The following BAZ2A variants were observed in gnomAD, a reference collection of about 807,000 sequenced individuals.
The protein encoded by BAZ2A is bromodomain adjacent to zinc finger domain 2A.
BAZ2A carries 34 observed loss-of-function variants against 199.9 expected under a neutral mutation model. That is an observed-to-expected ratio of 0.17 (90% CI 0.13 to 0.23). BAZ2A has a LOEUF of 0.23. Ranked by LOEUF, BAZ2A falls within the 10% of genes least tolerant of loss-of-function variation. BAZ2A has a pLI of 1.00. For synonymous variants in BAZ2A, 857 were observed against 883.9 expected (o/e 0.97, Z 0.54); for missense variants, 2,002 against 2,391.1 (o/e 0.84, Z 3.39).
At chr12:56,609,626 C>T in intron 10 of BAZ2A, 110 bp downstream of exon 10, 3 of 1,197,098 alleles carry the variant, frequency 2.5e-6, no homozygotes, top group Non-Finnish European at 3.6e-6. Context: ...ATTCATTCTT[C>T]CCAGATAATG....
At chr12:56,638,242 G>C, upstream of BAZ2A, 1 of 1,153,598 alleles carries the variant, frequency 8.7e-7, no homozygotes, top group Non-Finnish European at 1.3e-6. Context: ...TTCAATCAAG[G>C]CTCTTGTGCA....
chr12:56,627,044 A>G (rs542642567), intron 1 of BAZ2A, among the ~76,000 whole-genome samples: 6 of 152,356 alleles, frequency 3.9e-5, no homozygotes, highest in South Asian at 2.1e-4. Context: ...TCACACAATC[A>G]TAAGTGTCTA....
intron 3 of BAZ2A, 55 bp from the exon 4 acceptor site, chr12:56,614,193 C>T (rs960389624): frequency 2.6e-6 from 4 of 1,530,136 alleles, no homozygotes; most frequent in Non-Finnish European, 3.6e-6. Flanking sequence ...TATTGGTTCA[C>T]TTAGCTATAC....
intron 1 of BAZ2A, among the ~76,000 whole-genome samples, chr12:56,625,160 T>C (rs928349942): frequency 2.0e-5 from 3 of 146,748 alleles, no homozygotes; most frequent in African/African-American, 5.0e-5. Flanking sequence ...ATTTCTTTTT[T>C]TTTTTTTTTT....
At chr12:56,620,576 T>TTTTTTTTTTTTTTG (rs1950888219) in intron 1 of BAZ2A, among the ~76,000 whole-genome samples, 2 of 148,736 alleles carry the variant, frequency 1.3e-5, no homozygotes, top group African/African-American at 5.0e-5. Flanking sequence ...TTTTTTTTTT[T>TTTTTTTTTTTTTTG]GAGACAGAGT....
chr12:56,598,619 C>A lies in BAZ2A; in HGVS notation c.5711G>T (p.Ter1904LeuextTer39), dbSNP rs1886072986. The part of the protein sequence containing the change: ...EFYQGKQANL[*>L] ...AGGTGACTCCCCACCTCCCTTGCCTCACAGATTGGCCTGTTTTCCCTGATA... is the reference window on the plus strand; with the variant it reads ...AGGTGACTCCCCACCTCCCTTGCCTAACAGATTGGCCTGTTTTCCCTGATA... Residue 1904 changes from the stop codon to leucine (L), a stop_lost, in exon 29 of 29, where the codon TGA becomes TTA. Transcript: ENST00000549884. 6.2e-7 allele frequency: 1 copy of A among 1,613,212 alleles called. No homozygotes were observed.
At chr12:56,627,810 AG>A (rs1951151354) in intron 1 of BAZ2A, among the ~76,000 whole-genome samples, 1 of 146,176 alleles carries the variant, frequency 6.8e-6, no homozygotes, top group Non-Finnish European at 1.5e-5. Context: ...TGGGCATCGG[AG>A]TGAGACCCTG....
intron 18 of BAZ2A, among the ~76,000 whole-genome samples, 167 bp from the exon 19 acceptor site, chr12:56,603,024 CTGT>C (rs1950229549): frequency 1.3e-5 from 2 of 152,246 alleles, no homozygotes; most frequent in African/African-American, 4.8e-5. Context: ...TGGCTCACGC[CTGT>C]AATCCCAGCA....
upstream of BAZ2A, among the ~76,000 whole-genome samples, chr12:56,637,514 C>T (rs535777325): frequency 1.3e-5 from 2 of 152,282 alleles, no homozygotes; most frequent in South Asian, 4.1e-4. Flanking sequence ...TTTATTTAGG[C>T]TTGCCCAAAA....
intron 1 of BAZ2A, among the ~76,000 whole-genome samples, chr12:56,628,208 GA>G (rs1407167409): frequency 1.5e-3 from 184 of 121,032 alleles, no homozygotes; most frequent in African/African-American, 5.4e-3. Context: ...AAGACAGAAA[GA>G]AAAAAAAAGA....
intron 5 of BAZ2A, among the ~76,000 whole-genome samples, chr12:56,612,785 G>C (rs977431534): frequency 6.6e-6 from 1 of 152,288 alleles, no homozygotes; most frequent in African/African-American, 2.4e-5. Flanking sequence ...AACACACCTG[G>C]CTAATTTTTG....
rs1340405639 is a variant in BAZ2A, at chr12:56,610,229, G to A, written c.1780-14C>T. On this transcript the variant is annotated splice_polypyrimidine_tract_variant and intron_variant, in intron 8 of 28. Coordinates refer to ENST00000549884, the MANE Select transcript of BAZ2A (RefSeq NM_001300905.2). ...GCGGCTCAGGTACTAAGAGGAAGAA[G>A]TAAAGTAACATTAATAAAGTTGGAT... The A allele has an allele frequency of 6.2e-7, 1 of 1,613,166 alleles. No homozygotes were observed. Among genetic ancestry groups the A allele is most frequent in the African/African-American group, 1.3e-5 (1 of 74,866 alleles).
At chr12:56,603,212 G>T (rs1467000410) in intron 18 of BAZ2A, 147 bp downstream of exon 18, 4 of 910,488 alleles carry the variant, frequency 4.4e-6, no homozygotes, top group South Asian at 3.5e-5. Context: ...AGGCTGCAGT[G>T]AGCCATGATC....
At chr12:56,616,744 T>C (rs1190577221) in intron 2 of BAZ2A, among the ~76,000 whole-genome samples, 1 of 152,062 alleles carries the variant, frequency 6.6e-6, no homozygotes, top group Non-Finnish European at 1.5e-5. Flanking sequence ...GAGGGAAGCA[T>C]GTGGGCTTCT....
rs1886404740 is a variant in BAZ2A, at chr12:56,600,930, G to A, written c.4450+13C>T. 6.2e-7 allele frequency: 1 copy of A among 1,613,508 alleles called. No homozygotes were observed. The highest frequency in any genetic ancestry group is 8.5e-7 in the Non-Finnish European group (1 of 1,179,604). On this transcript the variant is annotated intron_variant, in intron 22 of 28. Transcript: ENST00000549884. Reference sequence around the variant, plus strand: ...GGCTCTTCAGCTCAAGCTGGGTGTAGGAATGTATTTACCAGCTGAGGGCCG... The same window carrying A: ...GGCTCTTCAGCTCAAGCTGGGTGTAAGAATGTATTTACCAGCTGAGGGCCG...
At chr12:56,605,350 A>C in intron 13 of BAZ2A, 23 bp from the exon 14 acceptor site, 1 of 1,588,248 alleles carries the variant, frequency 6.3e-7, no homozygotes, top group Non-Finnish European at 8.6e-7. Context: ...AAGTGAGTAG[A>C]GAGTTCTGTT....
At position 56,595,942 on chromosome 12, in the gene BAZ2A, G is replaced by A. The variant is rs1359894923; in HGVS notation, c.*2676C>T. 1.5e-3 allele frequency: 2 copies of A among 1,336 alleles called. No individual in the cohort carries two copies. Among genetic ancestry groups the A allele is most frequent in the African/African-American group, 0.011 (2 of 182 alleles). 0.1% of individuals were successfully genotyped at this position (1,336 alleles called of 1,614,324 possible). ...AGAGTCTTTTGAATCTCTATCAAAT[G>A]TGGTTTTTTTTATTCAACAACTGAC... On this transcript the variant is annotated 3_prime_UTR_variant, in exon 29 of 29. Coordinates refer to ENST00000549884, the MANE Select transcript of BAZ2A (RefSeq NM_001300905.2).
At chr12:56,619,067 G>T (rs575697538) in intron 1 of BAZ2A, among the ~76,000 whole-genome samples, 116 of 151,882 alleles carry the variant, frequency 7.6e-4, no homozygotes, top group African/African-American at 2.6e-3. Context: ...GTGAAGGCCA[G>T]GCACGGTGGC....
rs1024340853 is a variant in BAZ2A at position 56,598,353 on chromosome 12, G to T, written c.*265C>A. ...TTTAATTAGCAAATAAAACAGAAAAGAAAAATTATTTTTTTCTTTCTTTTT... is the reference window on the plus strand; with the variant it reads ...TTTAATTAGCAAATAAAACAGAAAATAAAAATTATTTTTTTCTTTCTTTTT... On this transcript the variant is annotated 3_prime_UTR_variant, in exon 29 of 29. Transcript: ENST00000549884. 7.8e-6 allele frequency: 3 copies of T among 385,970 alleles called. No homozygotes were observed. Among genetic ancestry groups the T allele is most frequent in the Non-Finnish European group, 1.4e-5 (3 of 216,198 alleles). 23.9% of individuals were successfully genotyped at this position (385,970 alleles called of 1,614,324 possible). A position where few individuals can be genotyped will look rare whatever the true frequency, so the allele number is the denominator to read the frequency against.
Sources: allele counts gnomAD v4.1 joint callset (sites outside exome capture counted in the v4.1 genomes callset), GRCh38; gene constraint gnomAD v4.1.1; transcripts MANE v1.5; gene names NCBI Gene and HGNC (gene_info 2026-07-23, HGNC 2026-07-21).